The following ADGRL2 variants were observed in gnomAD, a reference collection of about 807,000 sequenced individuals.
The protein encoded by ADGRL2 is calcium-independent alpha-latrotoxin receptor 2.
Under a neutral mutation model 157.4 loss-of-function variants are expected in ADGRL2, and 44 were observed. That is an observed-to-expected ratio of 0.28 (90% CI 0.22 to 0.36). The LOEUF (loss-of-function observed/expected upper bound fraction) is 0.36. ADGRL2 is among the 10% of genes least tolerant of loss of function. ADGRL2 has a pLI of 1.00. For synonymous variants in ADGRL2, 585 were observed against 624.7 expected, an observed-to-expected ratio of 0.94 and a Z score of 0.95; for missense variants, 1,510 against 1,768.9, an observed-to-expected ratio of 0.85 and a Z score of 2.63.
At chr1:81,350,375 G>T (rs1228228600) in intron 1 of ADGRL2, among the ~76,000 whole-genome samples, 1 of 152,152 alleles carries the variant, frequency 6.6e-6, no homozygotes, top group Non-Finnish European at 1.5e-5. Context: ...TTGACACAAT[G>T]AACATTTGTA....
intron 2 of ADGRL2, among the ~76,000 whole-genome samples, chr1:81,478,192 C>T (rs182097829): frequency 6.6e-4 from 101 of 152,220 alleles, no homozygotes; most frequent in African/African-American, 2.4e-3. Context: ...CAGGAGGAGT[C>T]ATTATCTCCA....
At chr1:81,397,608 T>A (rs2076679683) in intron 1 of ADGRL2, among the ~76,000 whole-genome samples, 1 of 152,158 alleles carries the variant, frequency 6.6e-6, no homozygotes, top group Non-Finnish European at 1.5e-5. Flanking sequence ...CATGAGCCAC[T>A]GCGCCCAGCC....
chr1:81,471,175 A>G (rs1177817506), intron 2 of ADGRL2, among the ~76,000 whole-genome samples: 1 of 152,192 alleles, frequency 6.6e-6, no homozygotes, highest in African/African-American at 2.4e-5. Context: ...ATGCCTTAGT[A>G]AATCTACCAC....
intron 1 of ADGRL2, among the ~76,000 whole-genome samples, chr1:81,380,605 A>G (rs1282493490): frequency 6.6e-6 from 1 of 152,172 alleles, no homozygotes; most frequent in Non-Finnish European, 1.5e-5. Flanking sequence ...TTTATCCAAT[A>G]CCATTTTTGA....
intron 1 of ADGRL2, among the ~76,000 whole-genome samples, chr1:81,390,908 A>C (rs1186908696): frequency 6.6e-6 from 1 of 152,302 alleles, no homozygotes; most frequent in African/African-American, 2.4e-5. Context: ...CCATTACATT[A>C]GCAGCTTTGA....
intron 1 of ADGRL2, among the ~76,000 whole-genome samples, chr1:81,428,533 TCAAA>T (rs1463609246): frequency 1.3e-5 from 2 of 152,098 alleles, no homozygotes; most frequent in South Asian, 4.1e-4. Context: ...AGTATGAAAC[TCAAA>T]CAAGGGTCAG....
chr1:81,529,335 T>G (rs1269888144), intron 2 of ADGRL2, among the ~76,000 whole-genome samples: 1 of 152,194 alleles, frequency 6.6e-6, no homozygotes, highest in African/African-American at 2.4e-5. Context: ...TGACTTTTAA[T>G]ATGAAGCATG....
At chr1:81,465,863 C>T (rs545649391) in intron 2 of ADGRL2, among the ~76,000 whole-genome samples, 3 of 152,250 alleles carry the variant, frequency 2.0e-5, no homozygotes, top group Non-Finnish European at 4.4e-5. Context: ...AGAGAGCCAT[C>T]GTTTTAGCTT....
At chr1:81,603,223 C>G (rs1212023267) in intron 3 of ADGRL2, among the ~76,000 whole-genome samples, 2 of 152,142 alleles carry the variant, frequency 1.3e-5, no homozygotes, top group African/African-American at 4.8e-5. Flanking sequence ...CAGCTTTTCT[C>G]TCATAACCCA....
intron 1 of ADGRL2, among the ~76,000 whole-genome samples, chr1:81,407,077 C>T (rs1327146228): frequency 6.6e-6 from 1 of 152,180 alleles, no homozygotes; most frequent in Admixed American, 6.5e-5. Flanking sequence ...TATATTTCCT[C>T]CCGTCTCCAG....
chr1:81,534,389 T>G (rs1433041025), intron 2 of ADGRL2, among the ~76,000 whole-genome samples: 3 of 152,198 alleles, frequency 2.0e-5, no homozygotes, highest in African/African-American at 7.2e-5. Flanking sequence ...CTCAAACTTC[T>G]GACCTCTGGT....
intron 3 of ADGRL2, among the ~76,000 whole-genome samples, chr1:81,635,222 T>A (rs758655088): frequency 1.2e-4 from 18 of 152,204 alleles, no homozygotes; most frequent in Non-Finnish European, 2.2e-4. Context: ...CCTCTCTCCG[T>A]GTTCGCCTTC....
chr1:81,966,526 C>A lies in ADGRL2; in HGVS notation c.2266C>A (p.His756Asn), dbSNP rs965893779. Residue 756 changes from histidine (H) to asparagine (N), a missense_variant, in exon 13 of 24, where the codon CAC becomes AAC. This residue lies in a region of ADGRL2 where 497 missense variants were observed against 627.2 expected (regional missense o/e 0.79). Transcript: ENST00000686636. ...TAATAGCACCATTGCAGTGAACTCT[C>A]ACGTCATTTCAGTTTCAATCAATAA... ...GRNSTIAVNS[H>N]VISVSINKES... 6.2e-7 allele frequency: 1 copy of A among 1,613,990 alleles called. No homozygotes were observed. Among genetic ancestry groups the A allele is most frequent in the Non-Finnish European group, 8.5e-7 (1 of 1,179,918 alleles).
Position 81,943,738 on chromosome 1 carries a change from T to C in ADGRL2, c.1179T>C (p.Ser393=). 1 of 1,613,372 alleles carries C rather than the reference T, an allele frequency of 6.2e-7. No individual in the cohort carries two copies. The highest frequency in any genetic ancestry group is 2.2e-5 in the East Asian group (1 of 44,860). Residue 393 remains serine (S), a synonymous_variant, in exon 6 of 24, where the codon TCT becomes TCC. Coordinates refer to ENST00000686636, the MANE Select transcript of ADGRL2 (RefSeq NM_001366006.2). This position sits in a 1 kb window ranked among gnomAD's most constrained non-coding sequence, Gnocchi z 5.6. ...VWNNNFILRY[S]LEFGPPDPAQ... is the part of the protein sequence containing the mutation. ...ACAATAACTTCATTTTACGATATTC[T>C]CTGGAGTTTGGTCCACCTGATCCTG...
intron 2 of ADGRL2, among the ~76,000 whole-genome samples, chr1:81,848,802 A>T (rs1271601632): frequency 2.0e-5 from 3 of 151,968 alleles, no homozygotes; most frequent in Non-Finnish European, 1.5e-5. Context: ...ATTGCTGAGA[A>T]CCATTAACTG....
intron 1 of ADGRL2, among the ~76,000 whole-genome samples, chr1:81,739,464 C>T (rs1340239147): frequency 6.6e-6 from 1 of 152,168 alleles, no homozygotes; most frequent in African/African-American, 2.4e-5. Flanking sequence ...CATCAGCTTA[C>T]TCGAGAAAAT....
At chr1:81,359,895 G>T (rs1427886203) in intron 1 of ADGRL2, among the ~76,000 whole-genome samples, 2 of 151,936 alleles carry the variant, frequency 1.3e-5, no homozygotes, top group East Asian at 3.9e-4. Flanking sequence ...CAATCCATCA[G>T]CAAGTCCTTT....
At chr1:81,487,530 A>T (rs2078534551) in intron 2 of ADGRL2, among the ~76,000 whole-genome samples, 1 of 152,060 alleles carries the variant, frequency 6.6e-6, no homozygotes, top group African/African-American at 2.4e-5. Flanking sequence ...ATATAATCCC[A>T]GCTACTCAGG....
intron 1 of ADGRL2, among the ~76,000 whole-genome samples, chr1:81,730,579 C>T (rs1050441502): frequency 1.3e-5 from 2 of 151,858 alleles, no homozygotes; most frequent in African/African-American, 2.4e-5. Context: ...AAAACTTAGC[C>T]GGGTGTGGTG....
Sources: gnomAD v4.1 joint callset for allele counts (sites outside exome capture counted in the v4.1 genomes callset) on GRCh38, gnomAD v4.1.1 for gene constraint, gnomAD v4.1.1 regional missense constraint, Gnocchi (gnomAD v3.1) non-coding constraint, MANE v1.5 for transcripts, NCBI Gene and HGNC (gene_info 2026-07-23, HGNC 2026-07-21) for gene names.